The following OPCML variants were observed in gnomAD, a reference collection of about 807,000 sequenced individuals.
The protein encoded by OPCML is opioid-binding protein/cell adhesion molecule.
OPCML carries 13 observed loss-of-function variants against 37.8 expected under a neutral mutation model. The observed-to-expected ratio is 0.34, with a 90% confidence interval of 0.22 to 0.55. The LOEUF (loss-of-function observed/expected upper bound fraction) is 0.55. Among genes scored for constraint, OPCML ranks in the 20% least tolerant of loss-of-function variants. OPCML has a pLI of 0.91. For synonymous variants in OPCML, 176 were observed against 168.8 expected (o/e 1.04, Z -0.33); for missense variants, 341 against 435.6 (o/e 0.78, Z 1.93).
chr11:132,953,871 C>G (rs1206783985), intron 1 of OPCML, among the ~76,000 whole-genome samples: 15 of 152,134 alleles, frequency 9.9e-5, no homozygotes, highest in Admixed American at 9.8e-4. Context: ...AAAGAACGAG[C>G]AAAATGTATG....
intron 1 of OPCML, among the ~76,000 whole-genome samples, chr11:133,304,775 T>C (rs1592184322): frequency 6.6e-6 from 1 of 152,322 alleles, no homozygotes. Flanking sequence ...CCCAGTATCT[T>C]GGCCCACATA....
At chr11:133,361,552 G>A (rs1201689487) in intron 1 of OPCML, 1 of 159,140 alleles carries the variant, frequency 6.3e-6, no homozygotes, top group South Asian at 1.4e-4. Context: ...AGACAGGTCC[G>A]GGGCACCTGC....
At chr11:132,805,961 G>C (rs1938979824) in intron 2 of OPCML, among the ~76,000 whole-genome samples, 1 of 152,076 alleles carries the variant, frequency 6.6e-6, no homozygotes, top group Non-Finnish European at 1.5e-5. Flanking sequence ...CAAATTATAT[G>C]ACAATAATCA....
At chr11:132,458,516 A>G (rs763451103) in intron 4 of OPCML, among the ~76,000 whole-genome samples, 92 of 152,372 alleles carry the variant, frequency 6.0e-4, no homozygotes, top group Non-Finnish European at 8.5e-4. Flanking sequence ...GCAATTGTCA[A>G]ACTTTTTTCC....
At chr11:133,495,224 AT>A (rs1379412933) in intron 1 of OPCML, among the ~76,000 whole-genome samples, 1 of 152,218 alleles carries the variant, frequency 6.6e-6, no homozygotes, top group East Asian at 1.9e-4. Flanking sequence ...GTCACTGCAA[AT>A]GCCATTAATT....
chr11:133,074,769 C>G (rs1948595911), intron 1 of OPCML, among the ~76,000 whole-genome samples: 1 of 152,212 alleles, frequency 6.6e-6, no homozygotes, highest in Non-Finnish European at 1.5e-5. Flanking sequence ...TCTCCATAAT[C>G]ATGCGTCATT....
chr11:132,878,462 T>C (rs1943104616), intron 2 of OPCML, among the ~76,000 whole-genome samples: 1 of 152,208 alleles, frequency 6.6e-6, no homozygotes, highest in Non-Finnish European at 1.5e-5. Flanking sequence ...TGATGGGCTT[T>C]GGCTGGGACA....
chr11:133,442,268 A>C (rs1252326033), intron 1 of OPCML, among the ~76,000 whole-genome samples: 1 of 152,142 alleles, frequency 6.6e-6, no homozygotes, highest in Non-Finnish European at 1.5e-5. Flanking sequence ...AATTGGCACA[A>C]ATCTTTTAAA....
intron 4 of OPCML, among the ~76,000 whole-genome samples, chr11:132,507,608 A>T (rs1263841321): frequency 6.6e-6 from 1 of 151,672 alleles, no homozygotes; most frequent in Non-Finnish European, 1.5e-5. Context: ...ATTTTTTTTA[A>T]AATTGCCAAA....
chr11:133,099,888 G>A (rs2137069952), intron 1 of OPCML, among the ~76,000 whole-genome samples: 1 of 152,214 alleles, frequency 6.6e-6, no homozygotes, highest in African/African-American at 2.4e-5. Context: ...TTTGTTGATA[G>A]TTTCTTTCAC....
intron 1 of OPCML, chr11:133,301,059 C>A (rs760454673): frequency 4.6e-5 from 7 of 152,106 alleles, no homozygotes; most frequent in Non-Finnish European, 8.8e-5. Flanking sequence ...GTTAGAGTAG[C>A]CATAAGAAAC....
intron 3 of OPCML, among the ~76,000 whole-genome samples, chr11:132,593,847 A>T (rs1306737980): frequency 6.6e-6 from 1 of 152,216 alleles, no homozygotes; most frequent in African/African-American, 2.4e-5. Context: ...TAGGAGAAAG[A>T]ATTATTTAAT....
intron 4 of OPCML, among the ~76,000 whole-genome samples, chr11:132,440,081 C>A (rs1349909551): frequency 1.3e-5 from 2 of 152,120 alleles, no homozygotes; most frequent in Admixed American, 6.5e-5. Flanking sequence ...TAAGACAGGT[C>A]CTGCATCCTT....
intron 4 of OPCML, among the ~76,000 whole-genome samples, chr11:132,524,278 A>G (rs192792288): frequency 3.3e-5 from 5 of 152,242 alleles, no homozygotes; most frequent in Admixed American, 1.3e-4. Context: ...CTGATTCACA[A>G]TGTATTCCAA....
chr11:133,446,265 C>T, intron 1 of OPCML, among the ~76,000 whole-genome samples: 1 of 152,090 alleles, frequency 6.6e-6, no homozygotes, highest in East Asian at 1.9e-4. Flanking sequence ...GCAATGGATA[C>T]AGGTGATATC....
intron 3 of OPCML, among the ~76,000 whole-genome samples, chr11:132,537,953 C>G (rs2096345375): frequency 6.6e-6 from 1 of 152,144 alleles, no homozygotes; most frequent in African/African-American, 2.4e-5. Context: ...TAGACTAATA[C>G]AGTTGGTGGG....
At chr11:132,524,345 G>A (rs535765082) in intron 4 of OPCML, among the ~76,000 whole-genome samples, 5 of 152,184 alleles carry the variant, frequency 3.3e-5, no homozygotes, top group South Asian at 4.2e-4. Context: ...ATTATTTGAG[G>A]CAGCAGCCTG....
At chr11:132,630,212 G>A (rs1312004766) in intron 3 of OPCML, among the ~76,000 whole-genome samples, 2 of 152,174 alleles carry the variant, frequency 1.3e-5, no homozygotes, top group Non-Finnish European at 2.9e-5. Flanking sequence ...AATGTATGAA[G>A]ATGTTCATCA....
chr11:132,967,965 C>T (rs1467432202), intron 1 of OPCML, among the ~76,000 whole-genome samples: 1 of 152,132 alleles, frequency 6.6e-6, no homozygotes, highest in Non-Finnish European at 1.5e-5. Flanking sequence ...AAGAGCTTCC[C>T]TCATCTGTTA....
Sources: gnomAD v4.1 joint callset for allele counts (sites outside exome capture counted in the v4.1 genomes callset) on GRCh38, gnomAD v4.1.1 for gene constraint, MANE v1.5 for transcripts, NCBI Gene and HGNC (gene_info 2026-07-23, HGNC 2026-07-21) for gene names.